The following GXYLT2 variants were observed in gnomAD, a reference collection of about 807,000 sequenced individuals.
GXYLT2 encodes glucoside xylosyltransferase 2.
Under a neutral mutation model 45.8 loss-of-function variants are expected in GXYLT2, and 53 were observed. The ratio of observed to expected loss-of-function variants is 1.16; its 90% CI spans 0.93 to 1.46. The LOEUF (loss-of-function observed/expected upper bound fraction) is 1.46, where lower values mean the gene tolerates loss of function less well. Ranked by LOEUF, GXYLT2 falls within the 40% of genes most tolerant of loss-of-function variation. The pLI is 0.00. For missense variants in GXYLT2, 551 were observed against 544.4 expected, an observed-to-expected ratio of 1.01 and a Z score of -0.12; for synonymous variants, 219 against 214.2, an observed-to-expected ratio of 1.02 and a Z score of -0.19.
At position 72,901,364 on chromosome 3, in the gene GXYLT2, A is replaced by T. The variant is rs1437351780; in HGVS notation, c.276-7003A>T. ...TCTCAGCTAGTCAGGAGGCTGAGGCAGGAGAATTGCTTGAACTGGGACCCG... is the reference window on the plus strand; with the variant it reads ...TCTCAGCTAGTCAGGAGGCTGAGGCTGGAGAATTGCTTGAACTGGGACCCG... On this transcript the variant is annotated intron_variant, in intron 1 of 6. Transcript: ENST00000389617. Among the ~76,000 whole-genome samples the T allele has an allele frequency of 2.0e-5, 3 of 150,492 alleles. No individual in the cohort carries two copies. In the East Asian group the frequency reaches 6.0e-4, roughly 30 times the overall value.
rs371032663 is a variant in GXYLT2, at chr3:72,911,956, G to GGT, written c.468+3415_468+3416dup. ...TTAAATGTATATAATATATAAGTTG[G>GGT]GTGTGTGTGTGTGTGTGTGCATGTG... On this transcript the variant is annotated intron_variant, in intron 2 of 6. Coordinates refer to ENST00000389617, the MANE Select transcript of GXYLT2 (RefSeq NM_001080393.2). 7.1e-3 allele frequency among the ~76,000 whole-genome samples: 964 copies of GGT among 136,362 alleles called. 9 individuals carry two copies. The highest frequency in any genetic ancestry group is 0.019 in the African/African-American group (695 of 36,222). The allele number at this position is 136,362 out of a possible 152,430, so 89.5% of individuals were successfully genotyped here.
chr3:72,908,923 T>C (rs1709562145), intron 2 of GXYLT2, among the ~76,000 whole-genome samples: 1 of 152,140 alleles, frequency 6.6e-6, no homozygotes, highest in Admixed American at 6.5e-5. Context: ...TATTTTTTAA[T>C]AGAGACAGAA....
chr3:72,911,832 A>G (rs910938345), intron 2 of GXYLT2, among the ~76,000 whole-genome samples: 10 of 151,564 alleles, frequency 6.6e-5, no homozygotes, highest in Non-Finnish European at 1.0e-4. Context: ...CAGTGACACA[A>G]TCATAGCTTA....
At chr3:72,927,297 C>T (rs1709937778) in intron 3 of GXYLT2, 1 of 152,120 alleles carries the variant, frequency 6.6e-6, no homozygotes, top group South Asian at 2.1e-4. Flanking sequence ...CTCCATATTT[C>T]CAAGAAACTT....
chr3:72,955,020 A>C, intron 3 of GXYLT2, 78 bp from the exon 4 acceptor site: 2 of 1,466,172 alleles, frequency 1.4e-6, no homozygotes, highest in Admixed American at 1.9e-5. Flanking sequence ...CTATCAGGCT[A>C]CTTCCTTTGT....
chr3:72,922,847 G>A (rs1709854097), intron 3 of GXYLT2, among the ~76,000 whole-genome samples: 1 of 152,174 alleles, frequency 6.6e-6, no homozygotes, highest in African/African-American at 2.4e-5. Flanking sequence ...AGGCCGGCAT[G>A]GCGGCTCACA....
intron 2 of GXYLT2, among the ~76,000 whole-genome samples, chr3:72,914,176 C>T (rs1709686633): frequency 6.6e-6 from 1 of 152,150 alleles, no homozygotes; most frequent in Non-Finnish European, 1.5e-5. Context: ...CCTCCGAAGG[C>T]TGCAGTATGG....
intron 6 of GXYLT2, among the ~76,000 whole-genome samples, chr3:72,968,668 C>A (rs1169724109): frequency 5.9e-5 from 9 of 152,212 alleles, no homozygotes; most frequent in Admixed American, 4.6e-4. Flanking sequence ...TGGCTCATGC[C>A]TGTAATCCCA....
intron 3 of GXYLT2, among the ~76,000 whole-genome samples, chr3:72,932,883 C>G (rs748379248): frequency 1.3e-5 from 2 of 152,104 alleles, no homozygotes; most frequent in Non-Finnish European, 2.9e-5. Context: ...TGTTAAGACC[C>G]CAGGCTCTGG....
chr3:72,906,001 C>G (rs1055557273), intron 1 of GXYLT2, among the ~76,000 whole-genome samples: 1 of 152,120 alleles, frequency 6.6e-6, no homozygotes, highest in Non-Finnish European at 1.5e-5. Context: ...AAGTGATTGC[C>G]TTTATGGTGT....
In GXYLT2 at chr3:72,922,244, A is replaced by G. The variant is rs781781608; in HGVS notation, c.509A>G (p.His170Arg). The change falls in exon 3 of 7, where the codon CAC becomes CGC. Residue 170 changes from histidine to arginine, a missense_variant. His to Arg is a conservative substitution (Grantham distance 29). Transcript: ENST00000389617. ...WPDSYTKKFE[H>R]RIYPITFSVG... The stretch of plus-strand genomic sequence containing the variant: ...GACTCATATACAAAGAAGTTTGAGC[A>G]CAGAATCTACCCCATCACATTTTCT... The G allele has an allele frequency of 1.2e-6, 2 of 1,613,754 alleles. No homozygotes were observed. Among genetic ancestry groups the G allele is most frequent in the Non-Finnish European group, 8.5e-7 (1 of 1,179,728 alleles).
chr3:72,926,878 G>A (rs536332719), intron 3 of GXYLT2: 2 of 152,152 alleles, frequency 1.3e-5, no homozygotes, highest in Non-Finnish European at 2.9e-5. Flanking sequence ...GTTTTAATAA[G>A]CTCCAAGGTT....
intron 5 of GXYLT2, among the ~76,000 whole-genome samples, chr3:72,957,789 C>T (rs896262176): frequency 6.6e-6 from 1 of 152,104 alleles, no homozygotes; most frequent in African/African-American, 2.4e-5. Flanking sequence ...AGAAAAAGAA[C>T]TCAGATCCCC....
At position 72,888,751 on chromosome 3, in the gene GXYLT2, A is replaced by G. The variant is rs1262405402; in HGVS notation, c.275+243A>G. ...GTCAAGGAAAGTGGTTTCGTACATT[A>G]CATTTTTTAACTGTCAAGGCAAGGC... On this transcript the variant is annotated intron_variant, in intron 1 of 6. Coordinates refer to ENST00000389617, the MANE Select transcript of GXYLT2 (RefSeq NM_001080393.2). Among the ~76,000 whole-genome samples the G allele has an allele frequency of 2.6e-5, 4 of 152,336 alleles. No individual in the cohort carries two copies. The East Asian group carries it at 7.7e-4, about 29-fold the overall frequency.
At position 72,955,179 on chromosome 3, in the gene GXYLT2, C is replaced by T. The variant is rs768591399; in HGVS notation, c.682C>T (p.Leu228Phe). ...FLRPVDDIWK[L>F]LRLFNSTQLA... ...GAGACCTGTTGATGACATCTGGAAG[C>T]TTCTGAGGCTGTTTAATTCCACCCA... Residue 228 changes from leucine to phenylalanine, a missense_variant, in exon 4 of 7, where the codon CTT becomes TTT. Transcript: ENST00000389617. 2.5e-6 allele frequency: 4 copies of T among 1,614,024 alleles called. No homozygotes were observed. In the East Asian group the frequency reaches 8.9e-5, roughly 36 times the overall value.
At position 72,888,511 on chromosome 3, in the gene GXYLT2, G is replaced by T; in HGVS notation, c.275+3G>T. On this transcript the variant is annotated splice_donor_region_variant and intron_variant, in intron 1 of 6. Coordinates refer to ENST00000389617, the MANE Select transcript of GXYLT2 (RefSeq NM_001080393.2). ...GCGAGACTGGAGAAGTTGGCGAGGT[G>T]AGTCGTGGCAACCCCAGAATCCCAT... is the stretch of plus-strand genomic sequence containing the variant. 1 of 1,234,646 alleles carries T rather than the reference G, an allele frequency of 8.1e-7. No individual in the cohort carries two copies. The highest frequency in any genetic ancestry group is 2.7e-5 in the South Asian group (1 of 36,476). The allele number at this position is 1,234,646 out of a possible 1,614,324, so 76.5% of individuals were successfully genotyped here. A position where few individuals can be genotyped will look rare whatever the true frequency, so the allele number is the denominator to read the frequency against.
intron 1 of GXYLT2, among the ~76,000 whole-genome samples, chr3:72,898,398 A>G (rs1709335553): frequency 6.6e-6 from 1 of 152,178 alleles, no homozygotes; most frequent in African/African-American, 2.4e-5. Context: ...GCAGATTCAT[A>G]TTTTAAAATC....
chr3:72,900,353 C>T (rs1410279967), intron 1 of GXYLT2, among the ~76,000 whole-genome samples: 1 of 152,132 alleles, frequency 6.6e-6, no homozygotes. Flanking sequence ...ATGGGGAACA[C>T]TTGAGCCAGG....
At chr3:72,890,939 A>G (rs1192491799) in intron 1 of GXYLT2, among the ~76,000 whole-genome samples, 1 of 152,208 alleles carries the variant, frequency 6.6e-6, no homozygotes, top group African/African-American at 2.4e-5. Flanking sequence ...TCAAATGCAT[A>G]AACAGTTGAC....
Sources: allele counts gnomAD v4.1 joint callset (sites outside exome capture counted in the v4.1 genomes callset), GRCh38; gene constraint gnomAD v4.1.1; transcripts MANE v1.5; gene names NCBI Gene and HGNC (gene_info 2026-07-23, HGNC 2026-07-21).